The following MRPS27 variants were observed in gnomAD, a reference collection of about 807,000 sequenced individuals.
The protein encoded by MRPS27 is small ribosomal subunit protein mS27.
MRPS27 carries 43 observed loss-of-function variants against 48.9 expected under a neutral mutation model. The ratio of observed to expected loss-of-function variants is 0.88; its 90% confidence interval spans 0.69 to 1.13. MRPS27 has a LOEUF of 1.13. MRPS27 is among the 50% of genes most tolerant of loss of function. MRPS27 has a pLI of 0.00. For missense variants in MRPS27, 467 were observed against 476.3 expected, an observed-to-expected ratio of 0.98 and a Z score of 0.18; for synonymous variants, 188 against 171.9, an observed-to-expected ratio of 1.09 and a Z score of -0.73.
chr5:72,310,999 A>ATTTAAAAAAAGAGATTGGGTTC (rs1246119586), intron 2 of MRPS27, among the ~76,000 whole-genome samples: 4 of 152,234 alleles, frequency 2.6e-5, no homozygotes, highest in Non-Finnish European at 5.9e-5. Flanking sequence ...GGAATATTCT[A>ATTTAAAAAAAGAGATTGGGTTC]TTTAAAAAAA....
rs141169553 is a variant in MRPS27, at chr5:72,239,408, G to A, written c.282-1280C>T. 3.7e-3 allele frequency among the ~76,000 whole-genome samples: 564 copies of A among 152,276 alleles called. 1 individual carries two copies. Among genetic ancestry groups the A allele is most frequent in the African/African-American group, 0.013 (548 of 41,550 alleles). ...AAATAAGATCCAAAGATGTTTTATGGATTTAGGGTCTTCTAGGCAGCCTGA... is the reference window on the plus strand; with the variant it reads ...AAATAAGATCCAAAGATGTTTTATGAATTTAGGGTCTTCTAGGCAGCCTGA... On this transcript the variant is annotated intron_variant, in intron 4 of 10. Transcript: ENST00000261413.
chr5:72,308,106 C>T (rs1347305116), intron 2 of MRPS27: 11 of 152,330 alleles, frequency 7.2e-5, no homozygotes, highest in Admixed American at 5.2e-4. Context: ...GCACCGCGGG[C>T]GCAGGTCCTA....
intron 4 of MRPS27, among the ~76,000 whole-genome samples, chr5:72,284,728 TATTACAC>T (rs1413195093): frequency 1.3e-5 from 2 of 152,204 alleles, no homozygotes; most frequent in African/African-American, 4.8e-5. Context: ...CATGTATACA[TATTACAC>T]ATAAACCACA....
At chr5:72,315,138 C>A (rs896466893) in intron 1 of MRPS27, among the ~76,000 whole-genome samples, 1 of 152,028 alleles carries the variant, frequency 6.6e-6, no homozygotes, top group African/African-American at 2.4e-5. Flanking sequence ...GAAGTACAAT[C>A]TCAGGAAAGT....
chr5:72,255,803 G>A (rs554765094), intron 4 of MRPS27, among the ~76,000 whole-genome samples: 23 of 152,250 alleles, frequency 1.5e-4, no homozygotes, highest in Middle Eastern at 6.8e-3. Context: ...TCTGACTCCA[G>A]AGCTCTTGAC....
intron 10 of MRPS27, 46 bp downstream of exon 10, chr5:72,223,637 T>A: frequency 6.2e-7 from 1 of 1,601,590 alleles, no homozygotes; most frequent in Non-Finnish European, 8.5e-7. Context: ...AGGAGAGAAG[T>A]GTGTTTTATG....
At chr5:72,275,394 GA>G (rs1749347247) in intron 4 of MRPS27, among the ~76,000 whole-genome samples, 1 of 152,094 alleles carries the variant, frequency 6.6e-6, no homozygotes, top group Non-Finnish European at 1.5e-5. Context: ...ACAAACAAAT[GA>G]AAAAACATTC....
At position 72,302,942 on chromosome 5, in the gene MRPS27, C is replaced by CA. The variant is rs200132279; in HGVS notation, c.152-5241dup. On this transcript the variant is annotated intron_variant, in intron 2 of 10. Coordinates refer to ENST00000261413, the MANE Select transcript of MRPS27 (RefSeq NM_015084.3). ...CTTGTCCCCTGAAGATTATAAACTA[C>CA]AAGTCAGCCCTCATGCCTCTTTGGG... is the stretch of plus-strand genomic sequence containing the variant. 3.8e-3 allele frequency among the ~76,000 whole-genome samples: 574 copies of CA among 152,352 alleles called. 1 individual carries two copies. The highest frequency in any genetic ancestry group is 0.013 in the African/African-American group (550 of 41,586).
intron 4 of MRPS27, among the ~76,000 whole-genome samples, chr5:72,274,672 G>A (rs1384967748): frequency 6.6e-6 from 1 of 152,146 alleles, no homozygotes; most frequent in Non-Finnish European, 1.5e-5. Flanking sequence ...TTATTATTAT[G>A]TACTGTACGT....
intron 4 of MRPS27, among the ~76,000 whole-genome samples, chr5:72,252,390 T>C (rs76781613): frequency 1.3e-5 from 2 of 152,224 alleles, no homozygotes; most frequent in Non-Finnish European, 2.9e-5. Context: ...AGGCTTCTTT[T>C]GCCCTGATCA....
chr5:72,279,665 AAAC>A (rs1223825231), intron 4 of MRPS27, among the ~76,000 whole-genome samples: 2 of 152,158 alleles, frequency 1.3e-5, no homozygotes, highest in African/African-American at 4.8e-5. Context: ...CAACAAAACA[AAAC>A]AAAACAAAAT....
chr5:72,223,223 G>A (rs1008108943), intron 10 of MRPS27, among the ~76,000 whole-genome samples: 1 of 152,158 alleles, frequency 6.6e-6, no homozygotes, highest in Admixed American at 6.5e-5. Context: ...ACAATACAAA[G>A]CTGCCAAAGA....
Position 72,220,111 on chromosome 5 carries a change from C to T in MRPS27, c.*798G>A, listed in dbSNP as rs1011038855. ...AATGTGGGAATGTGTGAGTATCCCA[C>T]AGCCAGCTCACAGTGCAGCTTGCAC... is the stretch of plus-strand genomic sequence containing the variant. On this transcript the variant is annotated 3_prime_UTR_variant, in exon 11 of 11. Transcript: ENST00000261413. 1.3e-5 allele frequency: 2 copies of T among 152,804 alleles called. No homozygotes were observed. Among genetic ancestry groups the T allele is most frequent in the Non-Finnish European group, 2.9e-5 (2 of 68,154 alleles). The allele number at this position is 152,804 out of a possible 1,614,324, so 9.5% of individuals were successfully genotyped here.
rs550955264 is a variant in MRPS27 at position 72,309,585 on chromosome 5, T to A, written c.151+4496A>T. Among the ~76,000 whole-genome samples, 4 of 152,270 alleles carry A rather than the reference T, an allele frequency of 2.6e-5. No individual in the cohort carries two copies. In the South Asian group the frequency reaches 8.3e-4, roughly 32 times the overall value. The stretch of plus-strand genomic sequence containing the variant: ...CGCTGCAGATTATTATACTCATTAT[T>A]TGGCAAACAGTTACTGCTTACTCAG... On this transcript the variant is annotated intron_variant, in intron 2 of 10. Transcript: ENST00000261413.
chr5:72,226,595 T>A, intron 8 of MRPS27, among the ~76,000 whole-genome samples: 1 of 151,902 alleles, frequency 6.6e-6, no homozygotes. Flanking sequence ...GAAAAAGAAA[T>A]CTCACAGCTT....
At chr5:72,289,457 T>C (rs538260986) in intron 4 of MRPS27, among the ~76,000 whole-genome samples, 16 of 152,118 alleles carry the variant, frequency 1.1e-4, no homozygotes, top group African/African-American at 3.9e-4. Context: ...GGTCTCACTC[T>C]GTCACCTACG....
chr5:72,238,445 A>G (rs1012957466), intron 4 of MRPS27, among the ~76,000 whole-genome samples: 2 of 152,216 alleles, frequency 1.3e-5, no homozygotes, highest in African/African-American at 4.8e-5. Context: ...GCATTATGTA[A>G]ACAGATATTT....
intron 4 of MRPS27, among the ~76,000 whole-genome samples, chr5:72,281,801 G>A (rs538194459): frequency 1.3e-3 from 200 of 152,292 alleles, no homozygotes; most frequent in African/African-American, 4.7e-3. Context: ...GTTCTCACTT[G>A]AACACATAAT....
intron 7 of MRPS27, among the ~76,000 whole-genome samples, chr5:72,231,910 A>T (rs1436072077): frequency 6.6e-6 from 1 of 152,178 alleles, no homozygotes; most frequent in Non-Finnish European, 1.5e-5. Flanking sequence ...ACAAGAACAC[A>T]GCCTGGTGTA....
Sources: gnomAD v4.1 joint callset for allele counts (sites outside exome capture counted in the v4.1 genomes callset) on GRCh38, gnomAD v4.1.1 for gene constraint, MANE v1.5 for transcripts, NCBI Gene and HGNC (gene_info 2026-07-23, HGNC 2026-07-21) for gene names.